The following FGF13 variants were observed in gnomAD, a reference collection of about 807,000 sequenced individuals.
FGF13 encodes the protein fibroblast growth factor homologous factor 2.
FGF13 carries 2 observed loss-of-function variants against 19.5 expected under a neutral mutation model. The observed-to-expected ratio is 0.10, with a 90% CI of 0.04 to 0.32. The LOEUF is 0.32. Among genes scored for constraint, FGF13 ranks in the 10% least tolerant of loss-of-function variants. FGF13 has a pLI of 1.00. For missense variants in FGF13, 113 were observed against 192.7 expected (o/e 0.59, Z 2.45); for synonymous variants, 72 against 76.9 (o/e 0.94, Z 0.33).
intron 1 of FGF13, among the ~76,000 whole-genome samples, chrX:138,927,614 G>C (rs1022840263): frequency 8.9e-6 from 1 of 111,992 alleles, no homozygotes; most frequent in Non-Finnish European, 1.9e-5. Context: ...ACATGTCTTC[G>C]TAATAGATCT....
At chrX:138,927,099 G>A (rs980635145) in intron 1 of FGF13, among the ~76,000 whole-genome samples, 2 of 112,041 alleles carry the variant, frequency 1.8e-5, no homozygotes, top group African/African-American at 3.2e-5. Flanking sequence ...CCGACCTAAC[G>A]CATTTGAACA....
At chrX:139,056,099 A>G (rs891811282) in intron 1 of FGF13, among the ~76,000 whole-genome samples, 1 of 112,569 alleles carries the variant, frequency 8.9e-6, no homozygotes, top group African/African-American at 3.2e-5. Context: ...GGAATCCCCA[A>G]AGCCTGCCAC....
chrX:138,656,426 G>T (rs192031825), intron 3 of FGF13, among the ~76,000 whole-genome samples: 4 of 111,492 alleles, frequency 3.6e-5, no homozygotes, highest in East Asian at 2.8e-4. Flanking sequence ...TAGGTGTTAG[G>T]GGGGAATAGC....
At chrX:138,907,609 G>C (rs190300522) in intron 1 of FGF13, among the ~76,000 whole-genome samples, 3 of 111,995 alleles carry the variant, frequency 2.7e-5, no homozygotes, top group East Asian at 2.8e-4. Flanking sequence ...GTTTCAGATA[G>C]AGGTCATGCC....
At chrX:138,831,671 CT>C (rs201140833) in intron 3 of FGF13, among the ~76,000 whole-genome samples, 1,205 of 102,962 alleles carry the variant, frequency 0.012, 9 homozygotes, top group Non-Finnish European at 0.018. Flanking sequence ...TATTCCATTT[CT>C]TTTTTTTTTT....
rs370833355 is a variant in FGF13 at position 139,003,339 on chromosome X, G to A, written c.-112-138689C>T. Among the ~76,000 whole-genome samples, 9 of 111,740 alleles carry A rather than the reference G, an allele frequency of 8.1e-5. No individual in the cohort carries two copies. The South Asian group carries it at 2.3e-3, about 29-fold the overall frequency. On this transcript the variant is annotated intron_variant, in intron 1 of 2. Transcript: ENST00000421460. The stretch of plus-strand genomic sequence containing the variant: ...AGGAGTGAAGCTGCAGATCTTCGCC[G>A]TGAGTGTTACAGCTCATAAAAGCAG...
At chrX:138,855,865 G>C (rs1009290481), downstream of FGF13, among the ~76,000 whole-genome samples, 6 of 111,112 alleles carry the variant, frequency 5.4e-5, no homozygotes, top group African/African-American at 2.0e-4. Context: ...TTATGTAACT[G>C]ATTGCTTGAG....
rs2084020478 is a variant in FGF13, at chrX:139,160,417, C to T, written c.-113+42999G>A. Reference sequence around the variant, plus strand: ...AGATCTAAAATTGACACCCTGAAATCACAATTGAAAGAACTAGAGAAGCAA... The same window carrying T: ...AGATCTAAAATTGACACCCTGAAATTACAATTGAAAGAACTAGAGAAGCAA... On this transcript the variant is annotated intron_variant, in intron 1 of 2. Coordinates refer to the FGF13 transcript ENST00000421460. Among the ~76,000 whole-genome samples, 8 of 111,344 alleles carry T rather than the reference C, an allele frequency of 7.2e-5. No homozygotes were observed. In the Admixed American group the frequency reaches 7.6e-4, roughly 11 times the overall value.
intron 3 of FGF13, among the ~76,000 whole-genome samples, chrX:138,809,602 C>G (rs2090903740): frequency 9.0e-6 from 1 of 111,113 alleles, no homozygotes. Context: ...CCAGGGCAAT[C>G]AAGCATGAGA....
At chrX:139,135,972 C>CATGTT (rs1030539175) in intron 1 of FGF13, among the ~76,000 whole-genome samples, 6 of 111,584 alleles carry the variant, frequency 5.4e-5, no homozygotes, top group African/African-American at 2.0e-4. Context: ...TTTAGAAGAG[C>CATGTT]ATGTTATACT....
chrX:138,777,396 C>T (rs2090596035), intron 3 of FGF13, among the ~76,000 whole-genome samples: 1 of 111,700 alleles, frequency 9.0e-6, no homozygotes, highest in Non-Finnish European at 1.9e-5. Flanking sequence ...TTTTGAGAGA[C>T]ATCAGGTATC....
chrX:139,129,181 ATGTG>A (rs567529252), intron 1 of FGF13, among the ~76,000 whole-genome samples: 19 of 87,094 alleles, frequency 2.2e-4, no homozygotes, highest in African/African-American at 7.6e-4. Flanking sequence ...ACACACACAC[ATGTG>A]TGTGTGTGTA....
At chrX:139,028,628 AGAGAGAGTGT>A (rs2092211678) in intron 1 of FGF13, among the ~76,000 whole-genome samples, 1 of 34,413 alleles carries the variant, frequency 2.9e-5, no homozygotes, top group African/African-American at 8.5e-5. Flanking sequence ...AGAGAGAGAG[AGAGAGAGTGT>A]GTGTGTGTGT....
chrX:138,673,168 AAACTGGTAAATG>A (rs2089631349), intron 3 of FGF13, among the ~76,000 whole-genome samples: 1 of 111,413 alleles, frequency 9.0e-6, no homozygotes, highest in Admixed American at 9.6e-5. Context: ...CTGTAAAGGG[AAACTGGTAAATG>A]GAATGGTAGC....
rs139360290 is a variant in FGF13 at position 139,084,902 on chromosome X, T to A, written c.-113+118514A>T. On this transcript the variant is annotated intron_variant, in intron 1 of 2. Coordinates refer to the FGF13 transcript ENST00000421460. ...GAACCTAATTCACAGTAACTCTTAA[T>A]GTAAATGAGGCCTCTCCCAATCTCT... is the stretch of plus-strand genomic sequence containing the variant. 2.3e-3 allele frequency among the ~76,000 whole-genome samples: 263 copies of A among 112,080 alleles called. 1 individual carries two copies. The highest frequency in any genetic ancestry group is 8.0e-3 in the African/African-American group (248 of 30,857).
chrX:139,142,025 G>C (rs2083849707), intron 1 of FGF13, among the ~76,000 whole-genome samples: 1 of 111,601 alleles, frequency 9.0e-6, no homozygotes, highest in Non-Finnish European at 1.9e-5. Flanking sequence ...TGAAGACATT[G>C]CCGGGCTCAA....
At chrX:138,727,702 C>A (rs1378944153) in intron 1 of FGF13, among the ~76,000 whole-genome samples, 2 of 111,352 alleles carry the variant, frequency 1.8e-5, no homozygotes, top group African/African-American at 3.3e-5. Context: ...AAACGTGGAA[C>A]TAGGCTAATG....
At chrX:139,147,321 C>A (rs902484237) in intron 1 of FGF13, among the ~76,000 whole-genome samples, 1 of 110,289 alleles carries the variant, frequency 9.1e-6, no homozygotes, top group Admixed American at 9.7e-5. Context: ...CTCCGTGTTC[C>A]ATCTCCCCAC....
intron 1 of FGF13, among the ~76,000 whole-genome samples, chrX:139,115,111 C>T (rs1251811767): frequency 9.0e-6 from 1 of 111,342 alleles, no homozygotes; most frequent in African/African-American, 3.3e-5. Context: ...GTCTCACAGC[C>T]ATCTTAAAAT....
Sources: gnomAD v4.1 joint callset for allele counts (sites outside exome capture counted in the v4.1 genomes callset) on GRCh38, gnomAD v4.1.1 for gene constraint, MANE v1.5 for transcripts, NCBI Gene and HGNC (gene_info 2026-07-23, HGNC 2026-07-21) for gene names.